Variants in RBMS3 observed in about 807,000 individuals in gnomAD.
RBMS3 encodes RNA binding motif single stranded interacting protein 3.
RBMS3 carries 27 observed loss-of-function variants against 66.8 expected under a neutral mutation model. The ratio of observed to expected loss-of-function variants is 0.40; its 90% CI spans 0.30 to 0.56. The LOEUF is 0.56. Ranked by LOEUF, RBMS3 falls within the 20% of genes least tolerant of loss-of-function variation. The probability of loss-of-function intolerance (pLI) is 0.40; values close to 1 mark genes in which losing one functional copy is unlikely to be tolerated. For synonymous variants in RBMS3, 188 were observed against 183.0 expected, an observed-to-expected ratio of 1.03 and a Z score of -0.22; for missense variants, 513 against 549.5, an observed-to-expected ratio of 0.93 and a Z score of 0.66.
At chr3:29,846,889 T>C (rs1181922847) in intron 6 of RBMS3, among the ~76,000 whole-genome samples, 4 of 152,192 alleles carry the variant, frequency 2.6e-5, no homozygotes, top group Non-Finnish European at 5.9e-5. Flanking sequence ...AAGAACTATG[T>C]TGTGGGTTTT....
At chr3:29,335,618 A>G (rs1240357413) in intron 1 of RBMS3, among the ~76,000 whole-genome samples, 1 of 152,088 alleles carries the variant, frequency 6.6e-6, no homozygotes, top group African/African-American at 2.4e-5. Flanking sequence ...ACTGCTACTT[A>G]ATGTATTTGG....
At chr3:29,308,410 G>A (rs1422930004) in intron 1 of RBMS3, among the ~76,000 whole-genome samples, 1 of 151,768 alleles carries the variant, frequency 6.6e-6, no homozygotes, top group African/African-American at 2.4e-5. Flanking sequence ...GTATATCACA[G>A]TGTTTGGTAC....
chr3:29,748,278 T>A (rs1245765791), intron 5 of RBMS3, among the ~76,000 whole-genome samples: 2 of 152,122 alleles, frequency 1.3e-5, no homozygotes, highest in Non-Finnish European at 2.9e-5. Context: ...GAAACAAAAT[T>A]GTGAAACATT....
intron 4 of RBMS3, among the ~76,000 whole-genome samples, 189 bp downstream of exon 4, chr3:29,587,394 G>T (rs886566927): frequency 6.6e-6 from 1 of 151,700 alleles, no homozygotes; most frequent in Non-Finnish European, 1.5e-5. Context: ...TTTCTTGTTA[G>T]GGAAAGTAAG....
At chr3:29,467,146 A>G (rs2042571732) in intron 2 of RBMS3, among the ~76,000 whole-genome samples, 1 of 152,210 alleles carries the variant, frequency 6.6e-6, no homozygotes, top group Non-Finnish European at 1.5e-5. Flanking sequence ...AAATGAGACC[A>G]AAGTGCCTTT....
intron 3 of RBMS3, among the ~76,000 whole-genome samples, chr3:29,490,225 G>A (rs17023723): frequency 0.04 from 5,967 of 149,258 alleles, 307 homozygotes; most frequent in African/African-American, 0.13. Context: ...CAGGTGTTTC[G>A]TAATGTTATT....
intron 3 of RBMS3, among the ~76,000 whole-genome samples, chr3:29,502,834 C>T (rs767938173): frequency 4.1e-4 from 63 of 152,022 alleles, no homozygotes; most frequent in Non-Finnish European, 6.9e-4. Flanking sequence ...AGACAAGGTG[C>T]AGCTGATACT....
At chr3:29,733,436 C>A (rs1019469564) in intron 4 of RBMS3, among the ~76,000 whole-genome samples, 1 of 151,754 alleles carries the variant, frequency 6.6e-6, no homozygotes, top group African/African-American at 2.4e-5. Context: ...TTCTGAGGAC[C>A]CTCATACTGT....
At chr3:29,856,467 A>G (rs1162391492) in intron 6 of RBMS3, among the ~76,000 whole-genome samples, 1 of 152,134 alleles carries the variant, frequency 6.6e-6, no homozygotes, top group African/African-American at 2.4e-5. Flanking sequence ...AGATCATGAC[A>G]TTGGATGGCC....
intron 4 of RBMS3, among the ~76,000 whole-genome samples, chr3:29,622,544 A>T (rs1467585791): frequency 1.3e-5 from 2 of 152,240 alleles, no homozygotes; most frequent in African/African-American, 4.8e-5. Flanking sequence ...ATCTTCTATC[A>T]GATGAAATGT....
intron 6 of RBMS3, among the ~76,000 whole-genome samples, chr3:29,833,861 A>G (rs1338034278): frequency 6.6e-6 from 1 of 152,110 alleles, no homozygotes; most frequent in Non-Finnish European, 1.5e-5. Flanking sequence ...TTCCCCAAAG[A>G]AGACTCACTA....
intron 6 of RBMS3, among the ~76,000 whole-genome samples, chr3:29,827,438 A>G (rs1052967187): frequency 6.6e-6 from 1 of 152,086 alleles, no homozygotes; most frequent in Admixed American, 6.6e-5. Context: ...TCATATCTAT[A>G]TTACTTTGAA....
chr3:29,614,651 AAAATT>A (rs2048601384), intron 4 of RBMS3: 1 of 152,302 alleles, frequency 6.6e-6, no homozygotes. Flanking sequence ...AAACTGTAGA[AAAATT>A]AAATTAAATT....
At chr3:29,371,596 A>G (rs1207578920) in intron 1 of RBMS3, among the ~76,000 whole-genome samples, 1 of 152,252 alleles carries the variant, frequency 6.6e-6, no homozygotes, top group Non-Finnish European at 1.5e-5. Context: ...ATATGTGTGA[A>G]TATGTATGAG....
At chr3:29,976,258 C>G (rs1001926595) in intron 12 of RBMS3, among the ~76,000 whole-genome samples, 2 of 151,938 alleles carry the variant, frequency 1.3e-5, no homozygotes, top group African/African-American at 4.8e-5. Flanking sequence ...TTCTGGGAGA[C>G]TGAATGGAAT....
chr3:29,782,184 C>G (rs9872410), intron 6 of RBMS3, among the ~76,000 whole-genome samples: 1 of 152,064 alleles, frequency 6.6e-6, no homozygotes, highest in African/African-American at 2.4e-5. Context: ...ATAGCTGACG[C>G]GCTCTTGAAA....
intron 5 of RBMS3, among the ~76,000 whole-genome samples, chr3:29,747,263 T>C (rs1356056109): frequency 6.6e-6 from 1 of 152,236 alleles, no homozygotes; most frequent in Non-Finnish European, 1.5e-5. Flanking sequence ...TACATGGGTC[T>C]GAAATAACTT....
At chr3:29,448,705 G>A (rs1438592678) in intron 2 of RBMS3, among the ~76,000 whole-genome samples, 1 of 152,156 alleles carries the variant, frequency 6.6e-6, no homozygotes, top group Non-Finnish European at 1.5e-5. Flanking sequence ...GTTTTACCAT[G>A]TAAGTCCTAC....
At chr3:29,626,513 C>G (rs1470990914) in intron 4 of RBMS3, among the ~76,000 whole-genome samples, 1 of 152,074 alleles carries the variant, frequency 6.6e-6, no homozygotes, top group Non-Finnish European at 1.5e-5. Flanking sequence ...TGGCCTATAT[C>G]TAAATATTAG....
Sources: gnomAD v4.1 joint callset for allele counts (sites outside exome capture counted in the v4.1 genomes callset) on GRCh38, gnomAD v4.1.1 for gene constraint, MANE v1.5 for transcripts, NCBI Gene and HGNC (gene_info 2026-07-23, HGNC 2026-07-21) for gene names.